GPD2: variants seen among roughly 807,000 people sequenced by gnomAD.
GPD2 encodes glycerol-3-phosphate dehydrogenase, mitochondrial.
In GPD2, 54 loss-of-function variants were observed where a neutral mutation model predicts 82.4. The ratio of observed to expected loss-of-function variants is 0.66; its 90% CI spans 0.53 to 0.82. The LOEUF is 0.82. Ranked by LOEUF, GPD2 falls within the 40% of genes least tolerant of loss-of-function variation. The pLI is 0.00. For synonymous variants in GPD2, 288 were observed against 306.1 expected (o/e 0.94, Z 0.62); for missense variants, 748 against 896.2 (o/e 0.83, Z 2.11).
At chr2:156,401,960 G>T in the GPD2 span, among the ~76,000 whole-genome samples, 1 of 152,034 alleles carries the variant, frequency 6.6e-6, no homozygotes, top group South Asian at 2.1e-4. Context: ...ATCTCTGGGA[G>T]GGAAATACCT....
the GPD2 span, among the ~76,000 whole-genome samples, chr2:156,410,051 G>A: frequency 2.0e-5 from 3 of 152,034 alleles, no homozygotes; most frequent in Admixed American, 2.0e-4. Context: ...ATCTCAAAAA[G>A]AAGAAAAAAG....
intron 13 of GPD2, among the ~76,000 whole-genome samples, chr2:156,575,549 T>G (rs1687789225): frequency 6.6e-6 from 1 of 151,698 alleles, no homozygotes. Flanking sequence ...ACTACAGGCA[T>G]GCACCACCAT....
At chr2:156,559,660 A>G (rs896737396) in intron 9 of GPD2, among the ~76,000 whole-genome samples, 7 of 152,228 alleles carry the variant, frequency 4.6e-5, no homozygotes, top group Admixed American at 1.3e-4. Context: ...ATCTAAAGTA[A>G]TGGATGTAAT....
intron 1 of GPD2, among the ~76,000 whole-genome samples, chr2:156,444,033 ACTGT>A (rs1682270460): frequency 6.6e-6 from 1 of 152,220 alleles, no homozygotes; most frequent in Non-Finnish European, 1.5e-5. Flanking sequence ...GGCTTTGGTC[ACTGT>A]CTGGACCTTT....
chr2:156,439,513 GAAA>G lies in GPD2; in HGVS notation c.-9+3024_-9+3026del, dbSNP rs1187242848. 9.6e-3 allele frequency among the ~76,000 whole-genome samples: 304 copies of G among 31,630 alleles called. 12 individuals are homozygous for G. The highest frequency in any genetic ancestry group is 0.04 in the African/African-American group (293 of 7,408). 20.8% of individuals were successfully genotyped at this position (31,630 alleles called of 152,430 possible). The stretch of plus-strand genomic sequence containing the variant: ...GTGAGAATTGCTTGAGACTGTCTCA[GAAA>G]AAAAAAAAAAAAAAAAAAAAAAACA... On this transcript the variant is annotated intron_variant, in intron 1 of 16. Coordinates refer to ENST00000438166, the MANE Select transcript of GPD2 (RefSeq NM_000408.5).
At chr2:156,451,877 C>T (rs1433241698) in intron 1 of GPD2, among the ~76,000 whole-genome samples, 4 of 149,956 alleles carry the variant, frequency 2.7e-5, no homozygotes, top group Non-Finnish European at 5.9e-5. Context: ...ACTTCTCAGA[C>T]GGGGCGGCCG....
chr2:156,483,786 A>G (rs917786266), intron 2 of GPD2, among the ~76,000 whole-genome samples: 10 of 152,216 alleles, frequency 6.6e-5, no homozygotes, highest in African/African-American at 2.4e-4. Flanking sequence ...ATTGCTTTTC[A>G]GCAGTTTCTT....
chr2:156,513,622 C>T (rs1252137737), intron 6 of GPD2, 126 bp downstream of exon 6: 17 of 748,682 alleles, frequency 2.3e-5, no homozygotes, highest in Non-Finnish European at 3.5e-5. Context: ...CACAAACACA[C>T]GTGCACGCAC....
At chr2:156,464,382 G>GTAGTACAAAGTACAA (rs1683084225) in intron 1 of GPD2, among the ~76,000 whole-genome samples, 1 of 152,002 alleles carries the variant, frequency 6.6e-6, no homozygotes, top group African/African-American at 2.4e-5. Flanking sequence ...CTGTACTTTG[G>GTAGTACAAAGTACAA]CTCTTTGTTG....
intron 6 of GPD2, among the ~76,000 whole-genome samples, chr2:156,546,953 T>C (rs1686564575): frequency 6.6e-6 from 1 of 152,110 alleles, no homozygotes; most frequent in South Asian, 2.1e-4. Context: ...TAGGCTAAAC[T>C]TAACAGTAAT....
chr2:156,467,555 T>C (rs1683191614), intron 1 of GPD2, among the ~76,000 whole-genome samples: 1 of 152,234 alleles, frequency 6.6e-6, no homozygotes, highest in Non-Finnish European at 1.5e-5. Flanking sequence ...TTTGTGTGTT[T>C]TTGCTTTTGA....
intron 6 of GPD2, among the ~76,000 whole-genome samples, chr2:156,542,858 A>G (rs1203944496): frequency 6.6e-6 from 1 of 151,972 alleles, no homozygotes; most frequent in East Asian, 1.9e-4. Context: ...CTTTATTGCC[A>G]TTATTGCAAT....
rs115886139 is a variant in GPD2, at chr2:156,533,514, T to A, written c.662-16094T>A. On this transcript the variant is annotated intron_variant, in intron 6 of 16. Transcript: ENST00000438166. Reference sequence around the variant, plus strand: ...CTGTCAGCAAGGCCTCAGGTTTAGATCTTATTAGCTCTAGATAGTTTTTTA... The same window carrying A: ...CTGTCAGCAAGGCCTCAGGTTTAGAACTTATTAGCTCTAGATAGTTTTTTA... Among the ~76,000 whole-genome samples, 1,224 of 152,054 alleles carry A rather than the reference T, an allele frequency of 8.0e-3. 5 individuals are homozygous for A. The highest frequency in any genetic ancestry group is 0.012 in the Non-Finnish European group (801 of 68,028).
In GPD2 at chr2:156,512,305, T is replaced by A. The variant is rs755083234; in HGVS notation, c.485T>A (p.Leu162His). The A allele has an allele frequency of 6.4e-7, 1 of 1,563,362 alleles. No individual in the cohort carries two copies. Among genetic ancestry groups the A allele is most frequent in the South Asian group, 1.1e-5 (1 of 90,072 alleles). ...TTATCAGCTCCATTGCCTATAATGC[T>A]TCCAGTTTACAAGTAAGCCTTTTGA... ...PHLSAPLPIM[L>H]PVYKWWQLPY... The change falls in exon 5 of 17, where the codon CTT becomes CAT. Residue 162 changes from leucine to histidine, a missense_variant. By Grantham distance (99) the Leu-to-His change is moderately conservative (BLOSUM62 -3). Transcript: ENST00000438166.
chr2:156,463,058 G>A (rs879372562), intron 1 of GPD2, among the ~76,000 whole-genome samples: 12 of 152,210 alleles, frequency 7.9e-5, no homozygotes, highest in Non-Finnish European at 1.3e-4. Context: ...GAAGCAGAGA[G>A]AGGAAGAATT....
rs200768161 is a variant in GPD2, at chr2:156,512,257, A to T, written c.437A>T (p.Asn146Ile). Residue 146 changes from asparagine (N) to isoleucine (I), a missense_variant, in exon 5 of 17, where the codon AAC becomes ATC. Physicochemically the swap from Asn to Ile is moderately radical, Grantham distance 149. Around this residue, in one of 3 missense-constraint regions of GPD2, gnomAD observed 692 missense variants for 809.7 expected, o/e 0.85. Coordinates refer to ENST00000438166, the MANE Select transcript of GPD2 (RefSeq NM_000408.5). Reference sequence around the variant, plus strand: ...AAAGAAGCCCTTCATGAGCGTGCCAACCTGCTAGAAATTGCTCCCCATTTA... The same window carrying T: ...AAAGAAGCCCTTCATGAGCGTGCCATCCTGCTAGAAATTGCTCCCCATTTA... Reference protein sequence around the residue: ...MVKEALHERANLLEIAPHLSA... With the variant: ...MVKEALHERAILLEIAPHLSA... 1 of 1,606,220 alleles carries T rather than the reference A, an allele frequency of 6.2e-7. No homozygotes were observed.
rs1453464376 is a variant in GPD2, at chr2:156,452,635, T to C, written c.-9+16122T>C. On this transcript the variant is annotated intron_variant, in intron 1 of 16. Transcript: ENST00000438166. ...GGAAAGCAGAGACGTGGAAAAGTTCTTGGAAGAGGATATTGGTCAAGGGAG... is the reference window on the plus strand; with the variant it reads ...GGAAAGCAGAGACGTGGAAAAGTTCCTGGAAGAGGATATTGGTCAAGGGAG... 2.0e-5 allele frequency among the ~76,000 whole-genome samples: 3 copies of C among 152,310 alleles called. No homozygotes were observed. The East Asian group carries it at 5.8e-4, about 29-fold the overall frequency.
intron 1 of GPD2, among the ~76,000 whole-genome samples, chr2:156,439,231 C>T (rs1194777623): frequency 6.6e-6 from 1 of 152,008 alleles, no homozygotes; most frequent in Admixed American, 6.6e-5. Context: ...TCAGGATTGG[C>T]GTGAAAATGG....
At chr2:156,556,749 A>G (rs1477052723) in intron 8 of GPD2, among the ~76,000 whole-genome samples, 5 of 152,200 alleles carry the variant, frequency 3.3e-5, no homozygotes, top group South Asian at 2.1e-4. Flanking sequence ...GTAGTAAAAC[A>G]TGGAGCTCTT....
Sources: gnomAD v4.1 joint callset for allele counts (sites outside exome capture counted in the v4.1 genomes callset) on GRCh38, gnomAD v4.1.1 for gene constraint, gnomAD v4.1.1 regional missense constraint, MANE v1.5 for transcripts, NCBI Gene and HGNC (gene_info 2026-07-23, HGNC 2026-07-21) for gene names.